CDK6: variants seen among roughly 807,000 people sequenced by gnomAD.
CDK6 encodes cyclin dependent kinase 6, also known as cyclin-dependent kinase 6.
Under a neutral mutation model 37.1 loss-of-function variants are expected in CDK6, and 6 were observed. That is an observed-to-expected ratio of 0.16 (90% CI 0.09 to 0.32). CDK6 has a LOEUF of 0.32. CDK6 is among the 10% of genes least tolerant of loss of function. The probability of loss-of-function intolerance (pLI) is 1.00; values close to 1 mark genes in which losing one functional copy is unlikely to be tolerated. For synonymous variants in CDK6, 160 were observed against 161.3 expected (o/e 0.99, Z 0.06); for missense variants, 224 against 418.9 (o/e 0.53, Z 4.06).
chr7:92,690,703 T>G (rs1797581886), intron 4 of CDK6, among the ~76,000 whole-genome samples: 2 of 152,298 alleles, frequency 1.3e-5, no homozygotes, highest in South Asian at 4.1e-4. Flanking sequence ...TGACAACGTA[T>G]GGGGTTGAGC....
intron 4 of CDK6, among the ~76,000 whole-genome samples, chr7:92,708,282 G>C (rs1229359316): frequency 6.6e-6 from 1 of 152,138 alleles, no homozygotes; most frequent in East Asian, 1.9e-4. Context: ...ACTATAATGA[G>C]TATATATTAC....
chr7:92,749,253 T>C (rs959128138), intron 3 of CDK6, among the ~76,000 whole-genome samples: 1 of 149,828 alleles, frequency 6.7e-6, no homozygotes, highest in African/African-American at 2.5e-5. Context: ...GCCAGGAGAA[T>C]TGCCTAGGCC....
intron 2 of CDK6, among the ~76,000 whole-genome samples, chr7:92,796,509 T>C (rs532666646): frequency 6.6e-6 from 1 of 152,288 alleles, no homozygotes; most frequent in South Asian, 2.1e-4. Context: ...CATTGTTTCT[T>C]CAGTCTTGGA....
rs955637395 is a variant in CDK6, at chr7:92,724,960, T to A, written c.537+666A>T. 4 of 907,602 alleles carry A rather than the reference T, an allele frequency of 4.4e-6. No homozygotes were observed. The African/African-American group carries it at 7.2e-5, about 16-fold the overall frequency. The allele number at this position is 907,602 out of a possible 1,614,324, so 56.2% of individuals were successfully genotyped here. A position where few individuals can be genotyped will look rare whatever the true frequency, so the allele number is the denominator to read the frequency against. On this transcript the variant is annotated intron_variant, in intron 4 of 7. Coordinates refer to ENST00000424848, the MANE Select transcript of CDK6 (RefSeq NM_001145306.2). ...TCCATCTGAGAAATAATGAACTATA[T>A]GGAGAAATAGAAGCTAACCAATGTC...
At chr7:92,686,369 T>C (rs974054085) in intron 4 of CDK6, among the ~76,000 whole-genome samples, 4 of 152,158 alleles carry the variant, frequency 2.6e-5, no homozygotes, top group Admixed American at 2.0e-4. Context: ...GAACATACCA[T>C]GTTTGGTTTA....
At chr7:92,660,764 G>A (rs780709790) in intron 5 of CDK6, among the ~76,000 whole-genome samples, 1 of 152,102 alleles carries the variant, frequency 6.6e-6, no homozygotes, top group African/African-American at 2.4e-5. Context: ...TGATTCCAGG[G>A]TGACTCTGAG....
At chr7:92,656,871 G>C (rs1796710702) in intron 5 of CDK6, among the ~76,000 whole-genome samples, 1 of 152,116 alleles carries the variant, frequency 6.6e-6, no homozygotes, top group Non-Finnish European at 1.5e-5. Context: ...TACACCTGGA[G>C]GATAGGAGCA....
chr7:92,624,025 T>C (rs2116496933), intron 5 of CDK6, among the ~76,000 whole-genome samples: 2 of 152,258 alleles, frequency 1.3e-5, no homozygotes, highest in South Asian at 2.1e-4. Flanking sequence ...AGCCTTAAAC[T>C]TGACCTCTTA....
At chr7:92,734,321 A>C (rs1386845524) in intron 3 of CDK6, among the ~76,000 whole-genome samples, 1 of 152,144 alleles carries the variant, frequency 6.6e-6, no homozygotes, top group Non-Finnish European at 1.5e-5. Context: ...CTCAGTCCTC[A>C]AATCCATCTT....
At chr7:92,738,432 G>T (rs1394654985) in intron 3 of CDK6, among the ~76,000 whole-genome samples, 4 of 152,256 alleles carry the variant, frequency 2.6e-5, no homozygotes, top group Non-Finnish European at 4.4e-5. Flanking sequence ...CTGAGATCAG[G>T]AGTTTGAGAC....
At chr7:92,731,333 G>A (rs1309430485) in intron 3 of CDK6, among the ~76,000 whole-genome samples, 2 of 152,196 alleles carry the variant, frequency 1.3e-5, no homozygotes, top group Admixed American at 1.3e-4. Flanking sequence ...GAAACCAAGA[G>A]GAGGGTTCAA....
At chr7:92,680,227 GT>G (rs1797300520) in intron 4 of CDK6, among the ~76,000 whole-genome samples, 1 of 150,320 alleles carries the variant, frequency 6.7e-6, no homozygotes, top group Non-Finnish European at 1.5e-5. Flanking sequence ...GAGGTTGGGA[GT>G]TCGAGACCAG....
At chr7:92,627,602 C>T (rs1450778914) in intron 5 of CDK6, among the ~76,000 whole-genome samples, 2 of 152,026 alleles carry the variant, frequency 1.3e-5, no homozygotes, top group Non-Finnish European at 2.9e-5. Flanking sequence ...TGTTTATAAG[C>T]CAATCCAGTT....
At chr7:92,780,115 G>T (rs6969211) in intron 2 of CDK6, among the ~76,000 whole-genome samples, 15,966 of 152,134 alleles carry the variant, frequency 0.1, 1,024 homozygotes, top group South Asian at 0.29. Flanking sequence ...TGGGACTACA[G>T]GCATGCACCA....
At chr7:92,672,160 T>TATATATATATATATAC (rs1210519115) in intron 4 of CDK6, among the ~76,000 whole-genome samples, 21 of 79,078 alleles carry the variant, frequency 2.7e-4, no homozygotes, top group African/African-American at 6.0e-4. Flanking sequence ...TATATATATA[T>TATATATATATATATAC]ACACATACAC....
intron 3 of CDK6, among the ~76,000 whole-genome samples, chr7:92,769,324 C>A (rs968346803): frequency 6.6e-6 from 1 of 152,098 alleles, no homozygotes; most frequent in African/African-American, 2.4e-5. Context: ...CTATAGAATT[C>A]ATTTATCATA....
At position 92,626,819 on chromosome 7, in the gene CDK6, A is replaced by C. The variant is rs535260660; in HGVS notation, c.648-3733T>G. Reference sequence around the variant, plus strand: ...TATTAGTAAAGTCTGGCAGAATGAGATAGATGGAGGTGGTGGGGAGAGGAG... The same window carrying C: ...TATTAGTAAAGTCTGGCAGAATGAGCTAGATGGAGGTGGTGGGGAGAGGAG... On this transcript the variant is annotated intron_variant, in intron 5 of 7. Transcript: ENST00000424848. 2.6e-5 allele frequency among the ~76,000 whole-genome samples: 4 copies of C among 152,172 alleles called. No individual in the cohort carries two copies. In the East Asian group the frequency reaches 7.7e-4, roughly 29 times the overall value.
chr7:92,714,341 G>A (rs1204425055), intron 4 of CDK6, among the ~76,000 whole-genome samples: 1 of 152,130 alleles, frequency 6.6e-6, no homozygotes, highest in Non-Finnish European at 1.5e-5. Context: ...TTTTCAAGAA[G>A]GAGCAAAAAG....
At chr7:92,737,821 CA>C (rs1798822927) in intron 3 of CDK6, among the ~76,000 whole-genome samples, 1 of 151,946 alleles carries the variant, frequency 6.6e-6, no homozygotes, top group African/African-American at 2.4e-5. Context: ...TTCATTTGGT[CA>C]AAAAATGGTC....
Sources: gnomAD v4.1 joint callset for allele counts (sites outside exome capture counted in the v4.1 genomes callset) on GRCh38, gnomAD v4.1.1 for gene constraint, MANE v1.5 for transcripts, NCBI Gene and HGNC (gene_info 2026-07-23, HGNC 2026-07-21) for gene names.